MUC5B: variants seen among roughly 807,000 people sequenced by gnomAD.
MUC5B encodes the protein mucin 5B, oligomeric mucus/gel-forming.
In MUC5B, 116 loss-of-function variants were observed where a neutral mutation model predicts 376.9. The ratio of observed to expected loss-of-function variants is 0.31; its 90% confidence interval spans 0.26 to 0.36. The LOEUF (loss-of-function observed/expected upper bound fraction) is 0.36, where lower values mean the gene tolerates loss of function less well. Ranked by LOEUF, MUC5B falls within the 10% of genes least tolerant of loss-of-function variation. The pLI, the probability that MUC5B is intolerant of heterozygous loss-of-function variation, is 1.00. For synonymous variants in MUC5B, 3,517 were observed against 3,390.9 expected, an observed-to-expected ratio of 1.04 and a Z score of -1.29; for missense variants, 7,165 against 7,769.9, an observed-to-expected ratio of 0.92 and a Z score of 2.93.
chr11:1,253,108 G>A lies in MUC5B; in HGVS notation c.15217+128G>A. ...CAGTGGGGAATGGTGGGGCATGGTG[G>A]GGCATGGTGGGGTGCAGTGGGGCAT... On this transcript the variant is annotated intron_variant, in intron 33 of 48. Transcript: ENST00000529681. The surrounding 1 kb of genome is among the most constrained non-coding windows in gnomAD (Gnocchi z 4.3). 1.9e-6 allele frequency: 2 copies of A among 1,066,326 alleles called. No homozygotes were observed. The highest frequency in any genetic ancestry group is 2.7e-6 in the Non-Finnish European group (2 of 742,676). The allele number at this position is 1,066,326 out of a possible 1,614,324, so 66.1% of individuals were successfully genotyped here.
At chr11:1,232,601 C>T in intron 16 of MUC5B, 43 bp from the exon 17 acceptor site, 2 of 1,601,674 alleles carry the variant, frequency 1.2e-6, no homozygotes, top group African/African-American at 1.3e-5. Flanking sequence ...GGAGCCCTGG[C>T]AGGCTGGGGT....
Position 1,241,081 on chromosome 11 carries a change from C to T in MUC5B, c.4201C>T (p.Arg1401Cys), listed in dbSNP as rs775358398. The T allele has an allele frequency of 1.2e-5, 20 of 1,612,334 alleles. No individual in the cohort carries two copies. The highest frequency in any genetic ancestry group is 5.5e-5 in the South Asian group (5 of 91,024). Residue 1401 changes from arginine to cysteine, a missense_variant, in exon 31 of 49, where the codon CGC (arginine) becomes TGC (cysteine). This residue lies in a region of MUC5B where 517 missense variants were observed against 545.3 expected (regional missense o/e 0.95). Transcript: ENST00000529681. ...EELGQQVDCD[R>C]MRGLMCANSQ... Reference sequence around the variant, plus strand: ...GCTGGGCCAGCAGGTGGACTGTGACCGCATGCGGGGGCTGATGTGCGCCAA... The same window carrying T: ...GCTGGGCCAGCAGGTGGACTGTGACTGCATGCGGGGGCTGATGTGCGCCAA...
chr11:1,230,302 C>T (rs1488829616), intron 11 of MUC5B, among the ~76,000 whole-genome samples, 159 bp downstream of exon 11: 2 of 152,180 alleles, frequency 1.3e-5, no homozygotes, highest in Non-Finnish European at 2.9e-5. Flanking sequence ...GGATGGCTCT[C>T]CCTGCTGAGC....
Position 1,250,703 on chromosome 11 carries a change from G to A in MUC5B, c.13823G>A (p.Ser4608Asn), listed in dbSNP as rs770876794. Reference sequence around the variant, plus strand: ...GGCTTCACAGCCACCCCCTCCTCCAGCCCAGGGACGGCACTCACGCCTCCA... The same window carrying A: ...GGCTTCACAGCCACCCCCTCCTCCAACCCAGGGACGGCACTCACGCCTCCA... ...TTGFTATPSS[S>N]PGTALTPPVW... is the part of the protein sequence containing the mutation. Residue 4608 changes from serine (S) to asparagine (N), a missense_variant, in exon 31 of 49, where the codon AGC becomes AAC. Around this residue, in one of 31 missense-constraint regions of MUC5B, gnomAD observed 730 missense variants for 592.7 expected, o/e 1.23. Transcript: ENST00000529681. 3.7e-6 allele frequency: 6 copies of A among 1,611,532 alleles called. No individual in the cohort carries two copies. The highest frequency in any genetic ancestry group is 3.4e-4 in the Middle Eastern group (2 of 5,924).
chr11:1,225,777 G>T, intron 2 of MUC5B, 40 bp downstream of exon 2: 2 of 1,566,734 alleles, frequency 1.3e-6, no homozygotes, highest in Non-Finnish European at 8.7e-7. Flanking sequence ...TCCTGACCAG[G>T]CTGGAGGGGC....
At chr11:1,260,548 G>C (rs944352736) in intron 47 of MUC5B, 78 bp from the exon 48 acceptor site, 1 of 1,482,472 alleles carries the variant, frequency 6.7e-7, no homozygotes, top group African/African-American at 1.4e-5. Context: ...TGGTCCCATG[G>C]GGAGGGTCGG....
chr11:1,254,792 C>T lies in MUC5B; in HGVS notation c.15576C>T (p.Ala5192=), dbSNP rs557237620. Residue 5192 remains alanine (A), a synonymous_variant, in exon 35 of 49, where the codon GCC becomes GCT. Transcript: ENST00000529681. ...CCACCATGCGTGTGGACATTCCTGCCCTGGGCGTGAGCGTCACCTTCAATG... is the reference window on the plus strand; with the variant it reads ...CCACCATGCGTGTGGACATTCCTGCTCTGGGCGTGAGCGTCACCTTCAATG... ...GTTTMRVDIP[A]LGVSVTFNGQ... is the part of the protein sequence containing the mutation. 2.5e-5 allele frequency: 40 copies of T among 1,612,816 alleles called. No individual in the cohort carries two copies. The highest frequency in any genetic ancestry group is 3.2e-5 in the Non-Finnish European group (38 of 1,179,814).
chr11:1,248,930 C>T lies in MUC5B; in HGVS notation c.12050C>T (p.Ser4017Phe), dbSNP rs756918327. The T allele has an allele frequency of 1.1e-5, 18 of 1,590,788 alleles. No individual in the cohort carries two copies. In the East Asian group the frequency reaches 3.2e-4, roughly 28 times the overall value. Residue 4017 changes from serine (S) to phenylalanine (F), a missense_variant, in exon 31 of 49, where the codon TCC becomes TTC. Physicochemically the swap from Ser to Phe is radical, Grantham distance 155. Coordinates refer to ENST00000529681, the MANE Select transcript of MUC5B (RefSeq NM_002458.3). ...GCCACCACACACGGGCGATCCCTGT[C>T]CCCCAGCAGTCCCCACACGGTGCGC... is the stretch of plus-strand genomic sequence containing the variant. ...TTATTHGRSLSPSSPHTVRTA... is the reference protein window; with the variant it reads ...TTATTHGRSLFPSSPHTVRTA...
intron 4 of MUC5B, 63 bp from the exon 5 acceptor site, chr11:1,226,968 G>A: frequency 6.4e-7 from 1 of 1,558,838 alleles, no homozygotes; most frequent in Non-Finnish European, 8.7e-7. Context: ...GGGCTGGGGG[G>A]GGGTTGGGTG....
In MUC5B at chr11:1,252,922, C is replaced by T. The variant is rs1025492497; in HGVS notation, c.15159C>T (p.His5053=). The T allele has an allele frequency of 6.2e-7, 1 of 1,612,712 alleles. No individual in the cohort carries two copies. The highest frequency in any genetic ancestry group is 8.5e-7 in the Non-Finnish European group (1 of 1,179,872). The change falls in exon 33 of 49, where the codon CAC becomes CAT. Residue 5053 remains histidine, a synonymous_variant. Coordinates refer to ENST00000529681, the MANE Select transcript of MUC5B (RefSeq NM_002458.3). ...PVANVTCVNK[H]LPIKVSDPSQ... ...CCAACGTCACCTGCGTGAACAAGCACCTGCCCATCAAAGTGTCGGACCCGA... is the reference window on the plus strand; with the variant it reads ...CCAACGTCACCTGCGTGAACAAGCATCTGCCCATCAAAGTGTCGGACCCGA...
Position 1,244,580 on chromosome 11 carries a change from C to G in MUC5B, c.7700C>G (p.Pro2567Arg). 3 of 1,613,490 alleles carry G rather than the reference C, an allele frequency of 1.9e-6. No homozygotes were observed. Among genetic ancestry groups the G allele is most frequent in the Non-Finnish European group, 2.5e-6 (3 of 1,179,696 alleles). ...ACGGCCACCATGTCCACAGCCACACCCTCCTCCACTCCAGAGACTGTCCAC... is the reference window on the plus strand; with the variant it reads ...ACGGCCACCATGTCCACAGCCACACGCTCCTCCACTCCAGAGACTGTCCAC... ...TPTATMSTAT[P>R]SSTPETVHTS... Residue 2567 changes from proline (P) to arginine (R), a missense_variant, in exon 31 of 49, where the codon CCC becomes CGC. Coordinates refer to ENST00000529681, the MANE Select transcript of MUC5B (RefSeq NM_002458.3).
At chr11:1,259,256 G>A (rs1862936756) in intron 44 of MUC5B, among the ~76,000 whole-genome samples, 195 bp downstream of exon 44, 2 of 139,212 alleles carry the variant, frequency 1.4e-5, no homozygotes, top group South Asian at 2.3e-4. Flanking sequence ...GGTGAGACCC[G>A]AGGCACCTGC....
In MUC5B at chr11:1,240,855, G is replaced by T. The variant is rs1285218899; in HGVS notation, c.3975G>T (p.Pro1325=). The part of the protein sequence containing the change: ...TAWVPHSTTS[P]ALPVSTVCVR... ...CCTTTCCCATGCCCCTTGCAGGCCCGGCCCTCCCGGTCTCCACCGTGTGTG... is the reference window on the plus strand; with the variant it reads ...CCTTTCCCATGCCCCTTGCAGGCCCTGCCCTCCCGGTCTCCACCGTGTGTG... The change falls in exon 31 of 49, where the codon CCG becomes CCT. Residue 1325 remains proline, a synonymous_variant. Transcript: ENST00000529681. 8.7e-6 allele frequency: 14 copies of T among 1,606,986 alleles called. No homozygotes were observed. Among genetic ancestry groups the T allele is most frequent in the Non-Finnish European group, 1.2e-5 (14 of 1,177,360 alleles).
Position 1,234,565 on chromosome 11 carries a change from C to T in MUC5B, c.2515C>T (p.Pro839Ser). Residue 839 changes from proline (P) to serine (S), a missense_variant, in exon 21 of 49, where the codon CCG (proline) becomes TCG (serine). Physicochemically the swap from Pro to Ser is moderately conservative, Grantham distance 74. This residue lies in a region of MUC5B where 530 missense variants were observed against 604.0 expected (regional missense o/e 0.88). Coordinates refer to ENST00000529681, the MANE Select transcript of MUC5B (RefSeq NM_002458.3). This position sits in a 1 kb window ranked among gnomAD's most constrained non-coding sequence, Gnocchi z 6.3. Reference protein sequence around the residue: ...THCVSGCVCPPGLVSDGSGGC... With the variant: ...THCVSGCVCPSGLVSDGSGGC... ...CTGCGTGTCCGGCTGTGTCTGTCCC[C>T]CGGGGCTGGTGTCGGATGGGAGTGG... is the stretch of plus-strand genomic sequence containing the variant. 1 of 1,582,142 alleles carries T rather than the reference C, an allele frequency of 6.3e-7. No homozygotes were observed.
intron 1 of MUC5B, 26 bp from the exon 2 acceptor site, chr11:1,225,655 C>G: frequency 6.3e-7 from 1 of 1,580,878 alleles, no homozygotes; most frequent in African/African-American, 1.3e-5. Flanking sequence ...TAGTTCCTCA[C>G]TGACTCCCAT....
At position 1,244,127 on chromosome 11, in the gene MUC5B, G is replaced by C; in HGVS notation, c.7247G>C (p.Ser2416Thr). 4 of 1,612,048 alleles carry C rather than the reference G, an allele frequency of 2.5e-6. No homozygotes were observed. Among genetic ancestry groups the C allele is most frequent in the South Asian group, 1.1e-5 (1 of 90,996 alleles). The stretch of plus-strand genomic sequence containing the variant: ...TGCTGCAACTACGGCCACTGCCCCA[G>C]CACCCCGGCCACCAGCTCTACGGCC... ...VFCCNYGHCP[S>T]TPATSSTAMP... The change falls in exon 31 of 49, where the codon AGC becomes ACC. Residue 2416 changes from serine (S) to threonine (T), a missense_variant. Coordinates refer to ENST00000529681, the MANE Select transcript of MUC5B (RefSeq NM_002458.3).
chr11:1,249,219 C>G lies in MUC5B; in HGVS notation c.12339C>G (p.Ser4113Arg). Residue 4113 changes from serine (S) to arginine (R), a missense_variant, in exon 31 of 49, where the codon AGC becomes AGG. Around this residue, in one of 31 missense-constraint regions of MUC5B, gnomAD observed 47 missense variants for 88.4 expected, o/e 0.53. Coordinates refer to ENST00000529681, the MANE Select transcript of MUC5B (RefSeq NM_002458.3). Reference protein sequence around the residue: ...SKTRTSTLLPSSPTSAPITTV... With the variant: ...SKTRTSTLLPRSPTSAPITTV... Reference sequence around the variant, plus strand: ...CCCGCACCTCGACCCTGCTGCCCAGCAGCCCCACATCGGCCCCCATAACCA... The same window carrying G: ...CCCGCACCTCGACCCTGCTGCCCAGGAGCCCCACATCGGCCCCCATAACCA... 1 of 1,611,526 alleles carries G rather than the reference C, an allele frequency of 6.2e-7. No individual in the cohort carries two copies. The highest frequency in any genetic ancestry group is 2.3e-4 in the Middle Eastern group (1 of 4,444).
intron 23 of MUC5B, among the ~76,000 whole-genome samples, chr11:1,235,770 A>G (rs1862143577): frequency 6.6e-6 from 1 of 151,960 alleles, no homozygotes; most frequent in Admixed American, 6.5e-5. Context: ...TGTCTCTTGT[A>G]AGGACACTGG....
Position 1,243,716 on chromosome 11 carries a change from C to T in MUC5B, c.6836C>T (p.Thr2279Ile). The change falls in exon 31 of 49, where the codon ACC becomes ATC. Residue 2279 changes from threonine (T) to isoleucine (I), a missense_variant. By Grantham distance (89) the Thr-to-Ile change is moderately conservative. This residue lies in a region of MUC5B where 79 missense variants were observed against 63.0 expected (regional missense o/e 1.25). Coordinates refer to ENST00000529681, the MANE Select transcript of MUC5B (RefSeq NM_002458.3). ...ACCACCCCGGGCCACACCACGGCCA[C>T]CTCCAGGACCACAGCCACGGCCACA... is the stretch of plus-strand genomic sequence containing the variant. ...GTTTPGHTTA[T>I]SRTTATATPS... 6.2e-7 allele frequency: 1 copy of T among 1,611,782 alleles called. No individual in the cohort carries two copies. The highest frequency in any genetic ancestry group is 8.5e-7 in the Non-Finnish European group (1 of 1,179,670).
Sources: gnomAD v4.1 joint callset for allele counts (sites outside exome capture counted in the v4.1 genomes callset) on GRCh38, gnomAD v4.1.1 for gene constraint, gnomAD v4.1.1 regional missense constraint, Gnocchi (gnomAD v3.1) non-coding constraint, MANE v1.5 for transcripts, NCBI Gene and HGNC (gene_info 2026-07-23, HGNC 2026-07-21) for gene names.